The following LAMA4 variants were observed in gnomAD, a reference collection of about 807,000 sequenced individuals.
The protein encoded by LAMA4 is laminin subunit alpha-4.
In LAMA4, 127 loss-of-function variants were observed where a neutral mutation model predicts 207.1. The ratio of observed to expected loss-of-function variants is 0.61; its 90% CI spans 0.53 to 0.71. The LOEUF (loss-of-function observed/expected upper bound fraction) is 0.71, where lower values mean the gene tolerates loss of function less well. Ranked by LOEUF, LAMA4 falls within the 30% of genes least tolerant of loss-of-function variation. The pLI, the probability that LAMA4 is intolerant of heterozygous loss-of-function variation, is 0.00. For missense variants in LAMA4, 2,093 were observed against 2,246.5 expected, an observed-to-expected ratio of 0.93 and a Z score of 1.38; for synonymous variants, 761 against 816.0, an observed-to-expected ratio of 0.93 and a Z score of 1.15.
At chr6:112,217,645 T>G (rs1439309804) in intron 2 of LAMA4, 2 of 152,178 alleles carry the variant, frequency 1.3e-5, no homozygotes, top group Non-Finnish European at 2.9e-5. Context: ...CAGTTCACAC[T>G]TTAAAACTAA....
chr6:112,218,438 A>G (rs1784751322), intron 2 of LAMA4: 1 of 152,216 alleles, frequency 6.6e-6, no homozygotes, highest in Admixed American at 6.5e-5. Flanking sequence ...AATGCCTTGT[A>G]TATATTAATT....
At chr6:112,131,162 T>G in intron 28 of LAMA4, 61 bp from the exon 29 acceptor site, 2 of 1,507,550 alleles carry the variant, frequency 1.3e-6, no homozygotes, top group Non-Finnish European at 1.8e-6. Flanking sequence ...CGGAAATGTT[T>G]TCAACATTTA....
intron 2 of LAMA4, among the ~76,000 whole-genome samples, chr6:112,226,570 T>C (rs1554362590): frequency 6.6e-6 from 1 of 152,228 alleles, no homozygotes; most frequent in East Asian, 1.9e-4. Context: ...AATTTTAATT[T>C]ATACTCTTGC....
chr6:112,121,709 C>G (rs782742399), intron 32 of LAMA4: 8 of 356,048 alleles, frequency 2.2e-5, no homozygotes, highest in Non-Finnish European at 4.3e-5. Context: ...AGGGGGATAT[C>G]AATGTTAGAT....
intron 13 of LAMA4, chr6:112,159,158 T>C (rs1780902591): frequency 4.7e-6 from 2 of 423,426 alleles, no homozygotes; most frequent in East Asian, 5.0e-5. Context: ...CCTTCAATTA[T>C]CCACACATGT....
chr6:112,120,041 A>G (rs781896373), intron 33 of LAMA4, among the ~76,000 whole-genome samples: 11 of 152,224 alleles, frequency 7.2e-5, no homozygotes, highest in Non-Finnish European at 1.5e-4. Context: ...TTAAAAACCA[A>G]ATTTCAGTTT....
Position 112,148,224 on chromosome 6 carries a change from C to A in LAMA4, c.2286G>T (p.Trp762Cys), listed in dbSNP as rs782153667. ...AGTCAAAATGTTGAAGATTCTGTGACCAGTTGGTTAGATTGTTGGCCATGG... is the reference window on the plus strand; with the variant it reads ...AGTCAAAATGTTGAAGATTCTGTGAACAGTTGGTTAGATTGTTGGCCATGG... ...TAPMANNLTNWSQNLQHFDSS... is the reference protein window; with the variant it reads ...TAPMANNLTNCSQNLQHFDSS... The change falls in exon 18 of 39, where the codon TGG becomes TGT. Residue 762 changes from tryptophan (W) to cysteine (C), a missense_variant. Physicochemically the swap from Trp to Cys is radical, Grantham distance 215. Around this residue, in one of 3 missense-constraint regions of LAMA4, gnomAD observed 1,704 missense variants for 1,788.4 expected, o/e 0.95. Transcript: ENST00000230538. 3 of 1,614,164 alleles carry A rather than the reference C, an allele frequency of 1.9e-6. No individual in the cohort carries two copies. The highest frequency in any genetic ancestry group is 2.5e-6 in the Non-Finnish European group (3 of 1,180,016).
At chr6:112,122,716 T>C (rs1368273488) in intron 31 of LAMA4, among the ~76,000 whole-genome samples, 5 of 152,220 alleles carry the variant, frequency 3.3e-5, no homozygotes, top group Non-Finnish European at 7.3e-5. Context: ...TGTGACAGGA[T>C]ATAAAACAAT....
At chr6:112,143,323 C>T (rs1287496524) in intron 19 of LAMA4, among the ~76,000 whole-genome samples, 1 of 142,726 alleles carries the variant, frequency 7.0e-6, no homozygotes, top group African/African-American at 2.6e-5. Flanking sequence ...GTCTCACTGT[C>T]ACCCAGGCCG....
At chr6:112,246,520 CT>C (rs11364561) in intron 2 of LAMA4, among the ~76,000 whole-genome samples, 57,073 of 127,564 alleles carry the variant, frequency 0.45, 12,088 homozygotes, top group African/African-American at 0.61. Flanking sequence ...ATCAAAGCTG[CT>C]TTTTTTTTTT....
chr6:112,224,342 C>T (rs181075322), intron 2 of LAMA4, among the ~76,000 whole-genome samples: 3 of 152,332 alleles, frequency 2.0e-5, no homozygotes, highest in Admixed American at 2.0e-4. Context: ...TATCCTCCCT[C>T]CCCTTTATTG....
intron 2 of LAMA4, among the ~76,000 whole-genome samples, chr6:112,252,194 A>G (rs914202381): frequency 6.6e-6 from 1 of 152,224 alleles, no homozygotes; most frequent in Non-Finnish European, 1.5e-5. Flanking sequence ...GCATCAATAA[A>G]TTCTGTCAGT....
chr6:112,117,970 G>T lies in LAMA4; in HGVS notation c.4822-72C>A. On this transcript the variant is annotated intron_variant, in intron 34 of 38. Coordinates refer to ENST00000230538, the MANE Select transcript of LAMA4 (RefSeq NM_001105206.3). This position sits in a 1 kb window ranked among gnomAD's most constrained non-coding sequence, Gnocchi z 4.5. ...GCACCAAGGGGAAGCAAAATGAGGG[G>T]GTTTGAGTCCTGAAGGAACCCACGT... The T allele has an allele frequency of 7.5e-7, 1 of 1,339,852 alleles. No individual in the cohort carries two copies. The highest frequency in any genetic ancestry group is 1.1e-6 in the Non-Finnish European group (1 of 935,454). The allele number at this position is 1,339,852 out of a possible 1,614,324, so 83.0% of individuals were successfully genotyped here.
intron 12 of LAMA4, 105 bp from the exon 13 acceptor site, chr6:112,165,381 T>G: frequency 1.3e-6 from 1 of 795,284 alleles, no homozygotes; most frequent in Non-Finnish European, 2.3e-6. Flanking sequence ...CAGACAAATC[T>G]GGGTTCATAT....
intron 13 of LAMA4, among the ~76,000 whole-genome samples, chr6:112,162,526 A>C (rs1781117995): frequency 6.6e-6 from 1 of 152,108 alleles, no homozygotes; most frequent in Non-Finnish European, 1.5e-5. Flanking sequence ...AAAGAAATCA[A>C]GATTCATTTT....
chr6:112,232,449 C>A (rs1450894549), intron 2 of LAMA4, among the ~76,000 whole-genome samples: 1 of 152,028 alleles, frequency 6.6e-6, no homozygotes, highest in Non-Finnish European at 1.5e-5. Context: ...ATTTCCCTTC[C>A]CTAAGATTTC....
chr6:112,253,471 C>A (rs1260820438), intron 2 of LAMA4: 1 of 382,804 alleles, frequency 2.6e-6, no homozygotes, highest in Non-Finnish European at 4.9e-6. Context: ...TGACCAGCCA[C>A]TCTCACTCAC....
chr6:112,236,509 A>C lies in LAMA4; in HGVS notation c.195+17447T>G, dbSNP rs1033585850. 8 of 152,322 alleles carry C rather than the reference A, an allele frequency of 5.3e-5. 1 individual carries two copies. Among genetic ancestry groups the C allele is most frequent in the East Asian group, 1.9e-4 (1 of 5,184 alleles). The allele number at this position is 152,322 out of a possible 1,614,324, so 9.4% of individuals were successfully genotyped here. On this transcript the variant is annotated intron_variant, in intron 2 of 38. Transcript: ENST00000230538. ...GTCATTGGAAATTCCAATATTTGGC[A>C]GTTGTGAATAACTGCCAATTTAACA... is the stretch of plus-strand genomic sequence containing the variant.
At chr6:112,150,176 C>G (rs1429527283) in intron 17 of LAMA4, among the ~76,000 whole-genome samples, 2 of 149,866 alleles carry the variant, frequency 1.3e-5, no homozygotes, top group Non-Finnish European at 3.0e-5. Context: ...TTACCAAACA[C>G]TATAAACAGC....
Sources: gnomAD v4.1 joint callset for allele counts (sites outside exome capture counted in the v4.1 genomes callset) on GRCh38, gnomAD v4.1.1 for gene constraint, gnomAD v4.1.1 regional missense constraint, Gnocchi (gnomAD v3.1) non-coding constraint, MANE v1.5 for transcripts, NCBI Gene and HGNC (gene_info 2026-07-23, HGNC 2026-07-21) for gene names.